Variants in SNX25 observed in about 807,000 individuals in gnomAD.
SNX25 encodes sorting nexin-25.
SNX25 carries 62 observed loss-of-function variants against 113.7 expected under a neutral mutation model. The observed-to-expected ratio is 0.55, with a 90% CI of 0.44 to 0.67. The LOEUF (loss-of-function observed/expected upper bound fraction) is 0.67. Ranked by LOEUF, SNX25 falls within the 30% of genes least tolerant of loss-of-function variation. The pLI, the probability that SNX25 is intolerant of heterozygous loss-of-function variation, is 0.00. For missense variants in SNX25, 1,014 were observed against 1,161.0 expected, an observed-to-expected ratio of 0.87 and a Z score of 1.84; for synonymous variants, 421 against 436.2, an observed-to-expected ratio of 0.97 and a Z score of 0.43.
rs537701847 is a variant in SNX25 at position 185,234,116 on chromosome 4, C to T, written c.430-13178C>T. Among the ~76,000 whole-genome samples, 155 of 152,260 alleles carry T rather than the reference C, an allele frequency of 1.0e-3. 1 individual carries two copies. Among genetic ancestry groups the T allele is most frequent in the African/African-American group, 3.5e-3 (147 of 41,558 alleles). Reference sequence around the variant, plus strand: ...CTCGTGATCTGCCCGCCTCAGCTTCCCAAGGTGCTGGGTTTACAGGTGTGA... The same window carrying T: ...CTCGTGATCTGCCCGCCTCAGCTTCTCAAGGTGCTGGGTTTACAGGTGTGA... On this transcript the variant is annotated intron_variant, in intron 1 of 18. Coordinates refer to ENST00000652585, the MANE Select transcript of SNX25 (RefSeq NM_001378034.2).
At chr4:185,214,963 T>G (rs1014473481) in intron 1 of SNX25, among the ~76,000 whole-genome samples, 25 of 152,236 alleles carry the variant, frequency 1.6e-4, no homozygotes, top group African/African-American at 5.3e-4. Flanking sequence ...TGGCGCGGTG[T>G]CTCACGCCTG....
chr4:185,336,324 G>A (rs531968077), intron 10 of SNX25, among the ~76,000 whole-genome samples: 12 of 151,944 alleles, frequency 7.9e-5, no homozygotes, highest in African/African-American at 1.9e-4. Context: ...CTCATCCCCC[G>A]CCAACCCTTT....
chr4:185,347,995 C>T (rs1007118665), intron 13 of SNX25, among the ~76,000 whole-genome samples: 1 of 152,090 alleles, frequency 6.6e-6, no homozygotes, highest in Non-Finnish European at 1.5e-5. Flanking sequence ...TGGTTAATGC[C>T]TTTTGCACCT....
chr4:185,222,254 TATACAGCACCATATACCCCTCCTTCGCG>T (rs1172529519), intron 1 of SNX25, among the ~76,000 whole-genome samples: 1 of 19,734 alleles, frequency 5.1e-5, no homozygotes, highest in East Asian at 2.5e-3. Context: ...TCGCGGTAGG[TATACAGCACCATATACCCCTCCTTCGCG>T]GTAGGTATAC....
intron 5 of SNX25, among the ~76,000 whole-genome samples, chr4:185,274,175 C>T (rs1189447219): frequency 2.0e-5 from 3 of 152,020 alleles, no homozygotes; most frequent in African/African-American, 4.8e-5. Context: ...ATTCTTCTGC[C>T]TCAGCCTCCT....
intron 2 of SNX25, among the ~76,000 whole-genome samples, chr4:185,253,127 C>G (rs1428969345): frequency 6.6e-6 from 1 of 152,102 alleles, no homozygotes; most frequent in Non-Finnish European, 1.5e-5. Context: ...AGATCTATTG[C>G]CTAATTTTCA....
intron 12 of SNX25, among the ~76,000 whole-genome samples, chr4:185,346,003 A>G (rs906384734): frequency 1.3e-5 from 2 of 152,092 alleles, no homozygotes; most frequent in African/African-American, 2.4e-5. Context: ...GATTACAAGC[A>G]TGTGCCATCA....
intron 6 of SNX25, among the ~76,000 whole-genome samples, chr4:185,304,407 G>A (rs1425160807): frequency 1.3e-5 from 2 of 152,188 alleles, no homozygotes; most frequent in African/African-American, 4.8e-5. Flanking sequence ...TGCCCAGACT[G>A]GAGTGAAATG....
intron 16 of SNX25, among the ~76,000 whole-genome samples, chr4:185,358,742 C>A (rs1201216132): frequency 6.6e-6 from 1 of 151,926 alleles, no homozygotes; most frequent in South Asian, 2.1e-4. Flanking sequence ...AACTCTATAC[C>A]CAGAATTGTT....
At position 185,323,813 on chromosome 4, in the gene SNX25, T is replaced by G; in HGVS notation, c.1749+13T>G. Reference sequence around the variant, plus strand: ...CAAGGATGAGATGGTGAGTCACATTTAACTTTCTGCTCCTTTTTATTGGAT... The same window carrying G: ...CAAGGATGAGATGGTGAGTCACATTGAACTTTCTGCTCCTTTTTATTGGAT... On this transcript the variant is annotated intron_variant, in intron 9 of 18. Coordinates refer to ENST00000652585, the MANE Select transcript of SNX25 (RefSeq NM_001378034.2). 1 of 1,609,456 alleles carries G rather than the reference T, an allele frequency of 6.2e-7. No homozygotes were observed. Among genetic ancestry groups the G allele is most frequent in the Non-Finnish European group, 8.5e-7 (1 of 1,179,056 alleles).
At chr4:185,218,404 A>C (rs1739234746) in intron 1 of SNX25, among the ~76,000 whole-genome samples, 1 of 152,140 alleles carries the variant, frequency 6.6e-6, no homozygotes, top group Non-Finnish European at 1.5e-5. Flanking sequence ...AGTTTTTGTA[A>C]GTATGGTGGA....
At chr4:185,246,767 A>G (rs1447020781) in intron 1 of SNX25, among the ~76,000 whole-genome samples, 1 of 152,116 alleles carries the variant, frequency 6.6e-6, no homozygotes, top group Non-Finnish European at 1.5e-5. Context: ...TTTATTTTAG[A>G]GAAGCCTTTT....
chr4:185,260,838 G>T (rs1013083899), intron 3 of SNX25, among the ~76,000 whole-genome samples: 1 of 152,188 alleles, frequency 6.6e-6, no homozygotes, highest in African/African-American at 2.4e-5. Flanking sequence ...CTTCCAGTAA[G>T]CAGGGAGGGG....
chr4:185,229,771 G>A (rs191770672), intron 1 of SNX25, among the ~76,000 whole-genome samples: 6 of 152,242 alleles, frequency 3.9e-5, no homozygotes, highest in East Asian at 3.9e-4. Flanking sequence ...TTTATTTATC[G>A]CCTCTACATA....
At chr4:185,220,347 A>G (rs1000456913) in intron 1 of SNX25, among the ~76,000 whole-genome samples, 3 of 151,920 alleles carry the variant, frequency 2.0e-5, no homozygotes, top group Non-Finnish European at 4.4e-5. Flanking sequence ...TTTGTTACAT[A>G]TGTATACATG....
intron 12 of SNX25, among the ~76,000 whole-genome samples, chr4:185,343,642 A>G (rs577570057): frequency 6.6e-6 from 1 of 152,344 alleles, no homozygotes; most frequent in East Asian, 1.9e-4. Flanking sequence ...ACTTTTCCTC[A>G]GGAATTGCCA....
chr4:185,256,110 A>G (rs1459655100), intron 2 of SNX25, among the ~76,000 whole-genome samples: 2 of 152,118 alleles, frequency 1.3e-5, no homozygotes, highest in African/African-American at 2.4e-5. Context: ...TTTTGTGTCC[A>G]GTGCTTAGTG....
At position 185,357,732 on chromosome 4, in the gene SNX25, C is replaced by T; in HGVS notation, c.2646C>T (p.Ile882=). The part of the protein sequence containing the change: ...ALVQVTFGRT[I]NKQIRDTVSW... ...TTCAGGTCACTTTTGGAAGAACCAT[C>T]AACAAGTGAGTTGTATGAAATTAAT... is the stretch of plus-strand genomic sequence containing the variant. The change falls in exon 16 of 19, where the codon ATC becomes ATT. Residue 882 remains isoleucine (I), a synonymous_variant. Transcript: ENST00000652585. 11 of 1,613,304 alleles carry T rather than the reference C, an allele frequency of 6.8e-6. No homozygotes were observed. Among genetic ancestry groups the T allele is most frequent in the Non-Finnish European group, 8.5e-6 (10 of 1,179,314 alleles).
intron 15 of SNX25, among the ~76,000 whole-genome samples, chr4:185,356,082 C>T (rs756718844): frequency 6.6e-6 from 1 of 152,146 alleles, no homozygotes; most frequent in Non-Finnish European, 1.5e-5. Flanking sequence ...TCAGCAGAAT[C>T]CTAGTGCTGC....
Sources: gnomAD v4.1 joint callset for allele counts (sites outside exome capture counted in the v4.1 genomes callset) on GRCh38, gnomAD v4.1.1 for gene constraint, MANE v1.5 for transcripts, NCBI Gene and HGNC (gene_info 2026-07-23, HGNC 2026-07-21) for gene names.